Variants in NEDD4 observed in about 807,000 individuals in gnomAD.
NEDD4 encodes the protein E3 ubiquitin-protein ligase NEDD4.
Under a neutral mutation model 144.9 loss-of-function variants are expected in NEDD4, and 99 were observed. The observed-to-expected ratio is 0.68, with a 90% CI of 0.58 to 0.81. The LOEUF (loss-of-function observed/expected upper bound fraction) is 0.81, where lower values mean the gene tolerates loss of function less well. NEDD4 is among the 30% of genes least tolerant of loss of function. NEDD4 has a pLI of 0.00. For synonymous variants in NEDD4, 318 were observed against 350.6 expected, an observed-to-expected ratio of 0.91 and a Z score of 1.04; for missense variants, 985 against 1,065.9, an observed-to-expected ratio of 0.92 and a Z score of 1.06.
intron 4 of NEDD4, among the ~76,000 whole-genome samples, chr15:55,928,595 G>C (rs1213664707): frequency 1.3e-5 from 2 of 152,118 alleles, no homozygotes; most frequent in Non-Finnish European, 2.9e-5. Context: ...TTGTACTTCT[G>C]AGCATGTTAA....
Position 55,982,408 on chromosome 15 carries a change from C to T in NEDD4, c.45+11103G>A, listed in dbSNP as rs545231042. ...AAGGAGAATGGATATATTCATACAA[C>T]GAAATACTATTCACCAAGAAAAAGA... On this transcript the variant is annotated intron_variant, in intron 1 of 28. Coordinates refer to ENST00000435532, the MANE Select transcript of NEDD4 (RefSeq NM_006154.4). Among the ~76,000 whole-genome samples the T allele has an allele frequency of 1.4e-4, 21 of 152,098 alleles. No individual in the cohort carries two copies. The South Asian group carries it at 2.9e-3, about 21-fold the overall frequency.
At chr15:55,961,800 AC>A (rs2037431102) in intron 2 of NEDD4, among the ~76,000 whole-genome samples, 1 of 152,152 alleles carries the variant, frequency 6.6e-6, no homozygotes, top group South Asian at 2.1e-4. Flanking sequence ...GAAGCAATAA[AC>A]TAATACAGCC....
At chr15:55,831,542 A>G (rs1194846540) in intron 27 of NEDD4, among the ~76,000 whole-genome samples, 1 of 152,170 alleles carries the variant, frequency 6.6e-6, no homozygotes. Context: ...GTCAGGTGAA[A>G]CCATGAAAAA....
chr15:55,901,343 G>T (rs1339654563), intron 5 of NEDD4, among the ~76,000 whole-genome samples: 1 of 152,092 alleles, frequency 6.6e-6, no homozygotes, highest in South Asian at 2.1e-4. Context: ...GTTCGTTTTA[G>T]AACTACCAAT....
chr15:55,958,894 T>G (rs1446502214), intron 2 of NEDD4, among the ~76,000 whole-genome samples: 1 of 139,808 alleles, frequency 7.2e-6, no homozygotes, highest in African/African-American at 2.6e-5. Context: ...TACCAGTAAT[T>G]AGTGCCTTCT....
At position 55,916,968 on chromosome 15, in the gene NEDD4, T is replaced by G; in HGVS notation, c.291+7678A>C. On this transcript the variant is annotated intron_variant, in intron 5 of 28. Coordinates refer to ENST00000435532, the MANE Select transcript of NEDD4 (RefSeq NM_006154.4). ...CTAAAAGAGCTATTAAGTAGTAGTC[T>G]TTATCCTAAGTAAAACATTAGATAC... is the stretch of plus-strand genomic sequence containing the variant. The G allele has an allele frequency of 2.1e-6, 3 of 1,419,076 alleles. No individual in the cohort carries two copies. The South Asian group carries it at 5.2e-5, about 25-fold the overall frequency. The allele number at this position is 1,419,076 out of a possible 1,614,324, so 87.9% of individuals were successfully genotyped here.
intron 5 of NEDD4, among the ~76,000 whole-genome samples, chr15:55,890,827 A>G (rs1280799730): frequency 6.6e-6 from 1 of 152,086 alleles, no homozygotes; most frequent in Non-Finnish European, 1.5e-5. Flanking sequence ...TTATGACAAT[A>G]CCCTTCTTAG....
intron 1 of NEDD4, among the ~76,000 whole-genome samples, chr15:55,982,882 G>T (rs867781391): frequency 6.6e-6 from 1 of 152,150 alleles, no homozygotes; most frequent in Admixed American, 6.5e-5. Flanking sequence ...AGCACTTTGG[G>T]AGGCCAAGGT....
chr15:55,940,518 T>TTCTCTCTCTCTC (rs60338644), intron 4 of NEDD4, among the ~76,000 whole-genome samples: 11 of 106,294 alleles, frequency 1.0e-4, no homozygotes, highest in East Asian at 6.1e-4. Context: ...CTCCTCCCCC[T>TTCTCTCTCTCTC]TCTCTCTCTC....
At chr15:55,904,265 G>A (rs2036012268) in intron 5 of NEDD4, among the ~76,000 whole-genome samples, 1 of 152,054 alleles carries the variant, frequency 6.6e-6, no homozygotes, top group Non-Finnish European at 1.5e-5. Flanking sequence ...AAGGCTGTTA[G>A]GGTCTCTTCC....
chr15:55,838,059 A>G (rs756303866), intron 23 of NEDD4, 48 bp downstream of exon 23: 12 of 1,187,720 alleles, frequency 1.0e-5, no homozygotes, highest in Non-Finnish European at 1.4e-5. Context: ...TTTCTGGAAT[A>G]AAGTACAAAA....
chr15:55,932,499 A>T (rs1248227682), intron 4 of NEDD4, among the ~76,000 whole-genome samples: 9 of 152,164 alleles, frequency 5.9e-5, no homozygotes, highest in Admixed American at 1.3e-4. Flanking sequence ...CCTTCCTTAC[A>T]CCTTATACGA....
At chr15:55,927,333 T>TA (rs1566955602) in intron 4 of NEDD4, among the ~76,000 whole-genome samples, 1 of 151,810 alleles carries the variant, frequency 6.6e-6, no homozygotes. Flanking sequence ...TTTTTTGAGA[T>TA]AGAGTCTCAC....
Position 55,848,626 on chromosome 15 carries a change from T to C in NEDD4, c.1429-51A>G, listed in dbSNP as rs2033850030. On this transcript the variant is annotated intron_variant, in intron 15 of 28. Transcript: ENST00000435532. ...ATTTTAGGAGAGGGGCGTAGATGAA[T>C]GGATAGAAAAATAGCACTGGTTGTA... 2.0e-6 allele frequency: 3 copies of C among 1,510,320 alleles called. No homozygotes were observed. In the African/African-American group the frequency reaches 4.1e-5, roughly 21 times the overall value. The allele number at this position is 1,510,320 out of a possible 1,614,324, so 93.6% of individuals were successfully genotyped here. A position where few individuals can be genotyped will look rare whatever the true frequency, so the allele number is the denominator to read the frequency against.
At chr15:55,934,224 A>C (rs2036839795) in intron 4 of NEDD4, among the ~76,000 whole-genome samples, 1 of 152,230 alleles carries the variant, frequency 6.6e-6, no homozygotes, top group South Asian at 2.1e-4. Flanking sequence ...CAGTGTGAGA[A>C]TGGGCTAATA....
intron 2 of NEDD4, chr15:55,952,589 T>C (rs1307925108): frequency 1.3e-5 from 2 of 152,226 alleles, no homozygotes; most frequent in South Asian, 2.1e-4. Context: ...TACCTCTTAA[T>C]TGGCCAAACT....
intron 8 of NEDD4, among the ~76,000 whole-genome samples, chr15:55,867,103 T>C (rs1348738047): frequency 6.6e-6 from 1 of 152,232 alleles, no homozygotes; most frequent in Non-Finnish European, 1.5e-5. Flanking sequence ...AATTATCTAT[T>C]ATAGCCATAC....
Position 55,840,537 on chromosome 15 carries a change from A to T in NEDD4, c.1961-20T>A. 1 of 1,613,842 alleles carries T rather than the reference A, an allele frequency of 6.2e-7. No individual in the cohort carries two copies. The highest frequency in any genetic ancestry group is 8.5e-7 in the Non-Finnish European group (1 of 1,179,904). On this transcript the variant is annotated intron_variant, in intron 20 of 28. Coordinates refer to ENST00000435532, the MANE Select transcript of NEDD4 (RefSeq NM_006154.4). ...AAAAACCTTGCAAAAAACCAAATAC[A>T]TTTAGGATGATTACCAAGTGAAAGA...
intron 5 of NEDD4, among the ~76,000 whole-genome samples, chr15:55,907,118 A>T (rs1475860506): frequency 1.3e-5 from 2 of 151,992 alleles, no homozygotes; most frequent in East Asian, 3.9e-4. Flanking sequence ...TAAAAATAAA[A>T]AATAAACAAA....
Sources: allele counts gnomAD v4.1 joint callset (sites outside exome capture counted in the v4.1 genomes callset), GRCh38; gene constraint gnomAD v4.1.1; transcripts MANE v1.5; gene names NCBI Gene and HGNC (gene_info 2026-07-23, HGNC 2026-07-21).